NXPH1: variants seen among roughly 807,000 people sequenced by gnomAD.
The protein encoded by NXPH1 is neurexophilin-1.
In NXPH1, 5 loss-of-function variants were observed where a neutral mutation model predicts 23.7. The observed-to-expected ratio is 0.21, with a 90% CI of 0.11 to 0.44. The LOEUF is 0.44. NXPH1 is among the 20% of genes least tolerant of loss of function. The pLI, the probability that NXPH1 is intolerant of heterozygous loss-of-function variation, is 0.99. For synonymous variants in NXPH1, 144 were observed against 122.2 expected (o/e 1.18, Z -1.18); for missense variants, 324 against 321.6 (o/e 1.01, Z -0.06).
At chr7:8,720,897 C>G (rs927838630) in intron 2 of NXPH1, among the ~76,000 whole-genome samples, 2 of 152,144 alleles carry the variant, frequency 1.3e-5, no homozygotes, top group South Asian at 4.2e-4. Flanking sequence ...GACATTTTAC[C>G]GATTAATAGC....
Position 8,508,334 on chromosome 7 carries a change from A to C in NXPH1, c.54+72567A>C, listed in dbSNP as rs182716103. On this transcript the variant is annotated intron_variant, in intron 2 of 2. Coordinates refer to ENST00000405863, the MANE Select transcript of NXPH1 (RefSeq NM_152745.3). ...GAATCAGTAGTTGGCTATGTTGAGT[A>C]CATCTCTGAGCTTTGCTTTTTCCAT... Among the ~76,000 whole-genome samples, 89 of 152,272 alleles carry C rather than the reference A, an allele frequency of 5.8e-4. 1 individual carries two copies. Among genetic ancestry groups the C allele is most frequent in the African/African-American group, 2.0e-3 (84 of 41,586 alleles).
Position 8,751,036 on chromosome 7 carries a change from G to T in NXPH1, c.83G>T (p.Gly28Val). The change falls in exon 3 of 3, where the codon GGA (glycine) becomes GTA (valine). Residue 28 changes from glycine (G) to valine (V), a missense_variant. Gly to Val is a moderately radical substitution (Grantham distance 109, BLOSUM62 -3). Coordinates refer to ENST00000405863, the MANE Select transcript of NXPH1 (RefSeq NM_152745.3). This position sits in a 1 kb window ranked among gnomAD's most constrained non-coding sequence, Gnocchi z 4.5. ...ACATGTGCCAATTTAACGAACGGTGGAAAGTCAGAACTTCTGAAATCAGGA... is the reference window on the plus strand; with the variant it reads ...ACATGTGCCAATTTAACGAACGGTGTAAAGTCAGAACTTCTGAAATCAGGA... ...LVTCANLTNG[G>V]KSELLKSGSS... 2 of 1,613,706 alleles carry T rather than the reference G, an allele frequency of 1.2e-6. No individual in the cohort carries two copies. Among genetic ancestry groups the T allele is most frequent in the South Asian group, 2.2e-5 (2 of 91,074 alleles).
intron 2 of NXPH1, among the ~76,000 whole-genome samples, chr7:8,562,611 G>A (rs1253615510): frequency 6.6e-6 from 1 of 151,312 alleles, no homozygotes. Flanking sequence ...CTGTGCTTGA[G>A]TGATGTTAAA....
intron 2 of NXPH1, among the ~76,000 whole-genome samples, chr7:8,570,046 C>G (rs1451748436): frequency 1.3e-5 from 2 of 151,864 alleles, no homozygotes; most frequent in East Asian, 1.9e-4. Flanking sequence ...GGAGCTGTTA[C>G]TGTCTTTACC....
chr7:8,747,857 T>C lies in NXPH1; in HGVS notation c.55-3151T>C, dbSNP rs185540505. On this transcript the variant is annotated intron_variant, in intron 2 of 2. Transcript: ENST00000405863. ...TTTAAATTTTACATTATAGCTACTC[T>C]GTGTTACAGAAAAATAGTATCTTTT... Among the ~76,000 whole-genome samples the C allele has an allele frequency of 4.0e-3, 606 of 152,358 alleles. 4 individuals are homozygous for C. The highest frequency in any genetic ancestry group is 6.7e-3 in the Non-Finnish European group (454 of 68,030).
chr7:8,436,295 G>T (rs1286982808), intron 2 of NXPH1, among the ~76,000 whole-genome samples: 1 of 152,206 alleles, frequency 6.6e-6, no homozygotes, highest in African/African-American at 2.4e-5. Context: ...TTAACTATCA[G>T]GGGTACTGCA....
chr7:8,618,727 GC>G (rs1452439781), intron 2 of NXPH1, among the ~76,000 whole-genome samples: 3 of 152,144 alleles, frequency 2.0e-5, no homozygotes, highest in Non-Finnish European at 4.4e-5. Context: ...CATTTTGAGA[GC>G]CTTCTGAGAT....
chr7:8,444,728 T>C (rs184050144), intron 2 of NXPH1, among the ~76,000 whole-genome samples: 7 of 152,348 alleles, frequency 4.6e-5, no homozygotes, highest in Admixed American at 3.3e-4. Flanking sequence ...GCCCCTCCCT[T>C]ATAACAGTGA....
intron 2 of NXPH1, among the ~76,000 whole-genome samples, chr7:8,488,543 G>A (rs1441814922): frequency 1.3e-5 from 2 of 152,048 alleles, no homozygotes; most frequent in East Asian, 1.9e-4. Flanking sequence ...AACCATGGCC[G>A]CTTATAGTGC....
intron 2 of NXPH1, among the ~76,000 whole-genome samples, chr7:8,704,833 G>T (rs969412045): frequency 1.3e-5 from 2 of 151,982 alleles, no homozygotes; most frequent in Non-Finnish European, 2.9e-5. Context: ...GCCTCTCACT[G>T]AGTTCGTAGG....
At chr7:8,644,718 C>T (rs907928803) in intron 2 of NXPH1, among the ~76,000 whole-genome samples, 1 of 151,892 alleles carries the variant, frequency 6.6e-6, no homozygotes, top group Non-Finnish European at 1.5e-5. Flanking sequence ...AAAATATAAC[C>T]ATTACCATCC....
chr7:8,471,915 T>C (rs1218735368), intron 2 of NXPH1, among the ~76,000 whole-genome samples: 1 of 152,004 alleles, frequency 6.6e-6, no homozygotes, highest in Non-Finnish European at 1.5e-5. Flanking sequence ...AAAGCTAACA[T>C]TGATATTTTT....
chr7:8,640,886 C>A (rs1820297729), intron 2 of NXPH1, among the ~76,000 whole-genome samples: 1 of 151,970 alleles, frequency 6.6e-6, no homozygotes, highest in Non-Finnish European at 1.5e-5. Context: ...TCTGGGAGTT[C>A]AAGGCTGCAG....
intron 2 of NXPH1, among the ~76,000 whole-genome samples, chr7:8,535,127 C>A (rs1290272820): frequency 6.6e-6 from 1 of 151,900 alleles, no homozygotes; most frequent in Non-Finnish European, 1.5e-5. Context: ...ATCATTTAGA[C>A]CCAGATAAAG....
chr7:8,435,667 C>A lies in NXPH1; in HGVS notation c.-47C>A, dbSNP rs377722922. On this transcript the variant is annotated 5_prime_UTR_variant, in exon 2 of 3. Coordinates refer to ENST00000405863, the MANE Select transcript of NXPH1 (RefSeq NM_152745.3). This position sits in a 1 kb window ranked among gnomAD's most constrained non-coding sequence, Gnocchi z 5.9. ...AGGTGGATCTATGTTTCTGAAGGAA[C>A]AAAGACTCAAAGAAGGCACCGCCAA... 2 of 1,576,132 alleles carry A rather than the reference C, an allele frequency of 1.3e-6. No individual in the cohort carries two copies. Among genetic ancestry groups the A allele is most frequent in the Non-Finnish European group, 1.7e-6 (2 of 1,145,558 alleles).
At chr7:8,548,648 G>C (rs1434505878) in intron 2 of NXPH1, among the ~76,000 whole-genome samples, 4 of 151,448 alleles carry the variant, frequency 2.6e-5, no homozygotes, top group East Asian at 1.9e-4. Flanking sequence ...ATTATACAGG[G>C]GTTGATAGCC....
intron 2 of NXPH1, among the ~76,000 whole-genome samples, chr7:8,445,536 A>T (rs796773215): frequency 3.9e-5 from 6 of 152,344 alleles, no homozygotes; most frequent in African/African-American, 1.4e-4. Context: ...AATTGGCAGG[A>T]ATTTTAATAC....
intron 2 of NXPH1, among the ~76,000 whole-genome samples, chr7:8,586,230 C>T (rs1168111308): frequency 6.6e-6 from 1 of 152,028 alleles, no homozygotes; most frequent in Non-Finnish European, 1.5e-5. Context: ...CCAAAACACG[C>T]TGTTTGGGAT....
intron 2 of NXPH1, among the ~76,000 whole-genome samples, chr7:8,663,791 A>G (rs929649423): frequency 6.6e-6 from 1 of 152,090 alleles, no homozygotes; most frequent in African/African-American, 2.4e-5. Context: ...TGGGTTTCCA[A>G]TGTCTGATAG....
Sources: allele counts gnomAD v4.1 joint callset (sites outside exome capture counted in the v4.1 genomes callset), GRCh38; gene constraint gnomAD v4.1.1; non-coding constraint Gnocchi (gnomAD v3.1); transcripts MANE v1.5; gene names NCBI Gene and HGNC (gene_info 2026-07-23, HGNC 2026-07-21).